Variants in IFT172 observed in about 807,000 individuals in gnomAD.
IFT172 encodes the protein intraflagellar transport 172.
In IFT172, 164 loss-of-function variants were observed where a neutral mutation model predicts 248.9. The observed-to-expected ratio is 0.66, with a 90% CI of 0.58 to 0.75. The LOEUF is 0.75. IFT172 is among the 30% of genes least tolerant of loss of function. The pLI is 0.00. For missense variants in IFT172, 1,950 were observed against 2,192.4 expected (o/e 0.89, Z 2.21); for synonymous variants, 729 against 791.6 (o/e 0.92, Z 1.33).
Position 27,457,952 on chromosome 2 carries a change from A to C in IFT172, c.3000T>G (p.Pro1000=). Residue 1000 remains proline, a synonymous_variant, in exon 28 of 48, where the codon CCT becomes CCG. Transcript: ENST00000260570. The part of the protein sequence containing the change: ...AERLYVTVQE[P]DLAITMYKKH... ...TTTTGTACATGGTGATGGCAAGATC[A>C]GGCTCTTGTACTGTCACATATAGCC... is the stretch of plus-strand genomic sequence containing the variant. The C allele has an allele frequency of 6.2e-7, 1 of 1,614,222 alleles. No individual in the cohort carries two copies. The highest frequency in any genetic ancestry group is 8.5e-7 in the Non-Finnish European group (1 of 1,180,030).
chr2:27,462,951 C>G, intron 19 of IFT172, 146 bp downstream of exon 19: 2 of 1,131,638 alleles, frequency 1.8e-6, no homozygotes, highest in Non-Finnish European at 1.3e-6. Context: ...AAAAGCAATT[C>G]TGAAATGGTC....
chr2:27,469,501 T>C (rs1342237534), intron 16 of IFT172, among the ~76,000 whole-genome samples: 1 of 152,060 alleles, frequency 6.6e-6, no homozygotes, highest in Non-Finnish European at 1.5e-5. Context: ...ACAAAGGAAC[T>C]GGTACCTTGA....
At chr2:27,463,269 A>G in intron 18 of IFT172, 88 bp from the exon 19 acceptor site, 2 of 1,249,374 alleles carry the variant, frequency 1.6e-6, no homozygotes, top group Admixed American at 3.8e-5. Context: ...ATTGATGTAC[A>G]TCTATGATGT....
chr2:27,470,588 C>CT (rs1667488753), intron 16 of IFT172, among the ~76,000 whole-genome samples: 1 of 152,048 alleles, frequency 6.6e-6, no homozygotes, highest in Non-Finnish European at 1.5e-5. Flanking sequence ...AAAAAAGGCA[C>CT]TTTGAATGGC....
rs1666808195 is a variant in IFT172, at chr2:27,463,112, T to A, written c.2007A>T (p.Gln669His). The A allele has an allele frequency of 6.2e-7, 1 of 1,614,146 alleles. No individual in the cohort carries two copies. Among genetic ancestry groups the A allele is most frequent in the African/African-American group, 1.3e-5 (1 of 75,040 alleles). Residue 669 changes from glutamine (Q) to histidine (H), a missense_variant, in exon 19 of 48, where the codon CAA becomes CAT. Gln to His is a conservative substitution (Grantham distance 24). This residue lies in a region of IFT172 where 1,166 missense variants were observed against 1,254.1 expected (regional missense o/e 0.93). Coordinates refer to ENST00000260570, the MANE Select transcript of IFT172 (RefSeq NM_015662.3). ...FLHETNEIAD[Q>H]VSREYGGEGT... ...TAATACTTGCATATTCCCGGGATACTTGATCTGCAATCTCATTGGTCTCAT... is the reference window on the plus strand; with the variant it reads ...TAATACTTGCATATTCCCGGGATACATGATCTGCAATCTCATTGGTCTCAT...
At position 27,459,438 on chromosome 2, in the gene IFT172, G is replaced by C; in HGVS notation, c.2727C>G (p.Asn909Lys). ...CGAGAGGATAGTATTTGGATGCAGT[G>C]TTCCGGTCCTGTAGATCTAATATAT... ...AIYILDLQDR[N>K]TASKYYPLVA... is the part of the protein sequence containing the mutation. Residue 909 changes from asparagine to lysine, a missense_variant, in exon 25 of 48, where the codon AAC becomes AAG. Physicochemically the swap from Asn to Lys is moderately conservative, Grantham distance 94. Around this residue, in one of 3 missense-constraint regions of IFT172, gnomAD observed 1,166 missense variants for 1,254.1 expected, o/e 0.93. Coordinates refer to ENST00000260570, the MANE Select transcript of IFT172 (RefSeq NM_015662.3). 1.2e-6 allele frequency: 2 copies of C among 1,614,208 alleles called. No individual in the cohort carries two copies. Among genetic ancestry groups the C allele is most frequent in the Non-Finnish European group, 1.7e-6 (2 of 1,180,040 alleles).
intron 14 of IFT172, among the ~76,000 whole-genome samples, chr2:27,472,956 T>A (rs1360348905): frequency 6.6e-6 from 1 of 152,188 alleles, no homozygotes; most frequent in Non-Finnish European, 1.5e-5. Context: ...TTTAGTGATA[T>A]CCATTATTAA....
At chr2:27,462,981 G>T in intron 19 of IFT172, 116 bp downstream of exon 19, 1 of 1,225,976 alleles carries the variant, frequency 8.2e-7, no homozygotes, top group Non-Finnish European at 1.2e-6. Flanking sequence ...GGTAAAGGTG[G>T]GGTGGGCAGG....
chr2:27,444,435 C>CT lies in IFT172; in HGVS notation c.5246dup (p.Ter1750ValfsTer15). ...AACTCTTCCTCAGCTCTACCAACTA[C>CT]TGAAAGGAAAAGCTGGTGCTGGGGA... On this transcript the variant is annotated frameshift_variant, in exon 48 of 48. Coordinates refer to ENST00000260570, the MANE Select transcript of IFT172 (RefSeq NM_015662.3). LOFTEE classifies it high-confidence loss of function. 1.2e-6 allele frequency: 2 copies of CT among 1,608,598 alleles called. No homozygotes were observed. Among genetic ancestry groups the CT allele is most frequent in the African/African-American group, 2.7e-5 (2 of 74,882 alleles).
Position 27,489,654 on chromosome 2 carries a change from G to A in IFT172, c.-1C>T, listed in dbSNP as rs1465537795. 4 of 1,611,350 alleles carry A rather than the reference G, an allele frequency of 2.5e-6. No individual in the cohort carries two copies. The South Asian group carries it at 4.4e-5, about 18-fold the overall frequency. On this transcript the variant is annotated 5_prime_UTR_variant, in exon 1 of 48. Coordinates refer to ENST00000260570, the MANE Select transcript of IFT172 (RefSeq NM_015662.3). ...GGGTCCTCAGGTGCTTCAAGTGCAT[G>A]ACGCACACCTGTCTTTCAGATGCTC...
At chr2:27,483,404 A>G (rs1212214578) in intron 6 of IFT172, 28 bp from the exon 7 acceptor site, 1 of 1,489,904 alleles carries the variant, frequency 6.7e-7, no homozygotes, top group Admixed American at 1.7e-5. Context: ...AGAGAAATAC[A>G]GGAAGAGACT....
chr2:27,461,297 G>C lies in IFT172; in HGVS notation c.2414C>G (p.Ala805Gly). The change falls in exon 22 of 48, where the codon GCC (alanine) becomes GGC (glycine). Residue 805 changes from alanine to glycine, a missense_variant. Physicochemically the swap from Ala to Gly is moderately conservative, Grantham distance 60. Transcript: ENST00000260570. ...NTELVEHITA[A>G]LIKGELYERA... ...TTCGTAGAGTTCCCCCTTGATAAGG[G>C]CTGCAGTGATGTGTTCTACCAGCTC... 6.2e-7 allele frequency: 1 copy of C among 1,614,152 alleles called. No homozygotes were observed. Among genetic ancestry groups the C allele is most frequent in the East Asian group, 2.2e-5 (1 of 44,882 alleles).
Position 27,465,774 on chromosome 2 carries a change from T to C in IFT172, c.1801A>G (p.Thr601Ala), listed in dbSNP as rs1667045440. 1 of 1,613,994 alleles carries C rather than the reference T, an allele frequency of 6.2e-7. No individual in the cohort carries two copies. Residue 601 changes from threonine (T) to alanine (A), a missense_variant, in exon 17 of 48, where the codon ACA becomes GCA. This residue lies in a region of IFT172 where 1,166 missense variants were observed against 1,254.1 expected (regional missense o/e 0.93). Transcript: ENST00000260570. ...TLDEGLIEFG[T>A]AIDDGNYIRA... is the part of the protein sequence containing the mutation. The stretch of plus-strand genomic sequence containing the variant: ...ATGTAGTTGCCATCATCAATGGCTG[T>C]TCCAAACTCGATGAGGCCCTCATCC...
chr2:27,445,300 A>T lies in IFT172; in HGVS notation c.5064T>A (p.Ile1688=). 6.2e-7 allele frequency: 1 copy of T among 1,611,548 alleles called. No individual in the cohort carries two copies. The highest frequency in any genetic ancestry group is 1.7e-5 in the Admixed American group (1 of 59,898). ...STGVRALPCL[I]TGYPILRNKI... The stretch of plus-strand genomic sequence containing the variant: ...GGGTGCTGTAGGCTTCTATACCTGT[A>T]ATAAGGCAGGGCAGGGCTCGAACAC... Residue 1688 remains isoleucine (I), a synonymous_variant, in exon 46 of 48, where the codon ATT becomes ATA. Coordinates refer to ENST00000260570, the MANE Select transcript of IFT172 (RefSeq NM_015662.3). The surrounding 1 kb of genome is among the most constrained non-coding windows in gnomAD (Gnocchi z 4.4).
In IFT172 at chr2:27,485,131, C is replaced by T. The variant is rs1277588152; in HGVS notation, c.184-1G>A. ...TCACCATATAGCTCTTCCTGCCATACTAAGAGTTTAAAAAAAAAAAAAGAA... is the reference window on the plus strand; with the variant it reads ...TCACCATATAGCTCTTCCTGCCATATTAAGAGTTTAAAAAAAAAAAAAGAA... On this transcript the variant is annotated splice_acceptor_variant, in intron 2 of 47. Coordinates refer to ENST00000260570, the MANE Select transcript of IFT172 (RefSeq NM_015662.3). LOFTEE classifies it high-confidence loss of function. 3 of 1,522,528 alleles carry T rather than the reference C, an allele frequency of 2.0e-6. No individual in the cohort carries two copies. The highest frequency in any genetic ancestry group is 2.7e-6 in the Non-Finnish European group (3 of 1,114,346). 94.3% of individuals were successfully genotyped at this position (1,522,528 alleles called of 1,614,324 possible). A position where few individuals can be genotyped will look rare whatever the true frequency, so the allele number is the denominator to read the frequency against.
At chr2:27,463,326 T>TA in intron 18 of IFT172, 145 bp from the exon 19 acceptor site, 1 of 638,168 alleles carries the variant, frequency 1.6e-6, no homozygotes, top group Non-Finnish European at 2.6e-6. Flanking sequence ...CCAAGGAAGA[T>TA]GAGGGCCTTG....
At chr2:27,447,385 A>G (rs1665233646) in intron 42 of IFT172, 130 bp downstream of exon 42, 1 of 1,348,056 alleles carries the variant, frequency 7.4e-7, no homozygotes, top group African/African-American at 1.5e-5. Flanking sequence ...TAGACAGAAG[A>G]GAAGCTGAAA....
intron 35 of IFT172, among the ~76,000 whole-genome samples, chr2:27,450,883 C>T (rs1055944657): frequency 2.6e-5 from 4 of 151,862 alleles, no homozygotes; most frequent in African/African-American, 7.3e-5. Context: ...TGTACCACTG[C>T]GCCCAGATGA....
Position 27,447,830 on chromosome 2 carries a change from T to C in IFT172, c.4521A>G (p.Arg1507=). The C allele has an allele frequency of 5.6e-6, 9 of 1,613,134 alleles. No homozygotes were observed. Among genetic ancestry groups the C allele is most frequent in the Non-Finnish European group, 6.8e-6 (8 of 1,179,060 alleles). The part of the protein sequence containing the change: ...AEAYHSWADL[R]DVLFNLCENL... Reference sequence around the variant, plus strand: ...TCCTCACCAGGTTGAAGAGGACATCTCGAAGATCAGCCCAGCTATGATAGG... The same window carrying C: ...TCCTCACCAGGTTGAAGAGGACATCCCGAAGATCAGCCCAGCTATGATAGG... The change falls in exon 41 of 48, where the codon CGA becomes CGG. Residue 1507 remains arginine (R), a synonymous_variant. Transcript: ENST00000260570.
Sources: gnomAD v4.1 joint callset for allele counts (sites outside exome capture counted in the v4.1 genomes callset) on GRCh38, gnomAD v4.1.1 for gene constraint, gnomAD v4.1.1 regional missense constraint, Gnocchi (gnomAD v3.1) non-coding constraint, MANE v1.5 for transcripts, NCBI Gene and HGNC (gene_info 2026-07-23, HGNC 2026-07-21) for gene names.